MRPL45: variants seen among roughly 807,000 people sequenced by gnomAD.
MRPL45 encodes the protein large ribosomal subunit protein mL45.
In MRPL45, 20 loss-of-function variants were observed where a neutral mutation model predicts 38.1. The observed-to-expected ratio is 0.53, with a 90% CI of 0.37 to 0.76. The LOEUF is 0.76. Among genes scored for constraint, MRPL45 ranks in the 30% least tolerant of loss-of-function variants. The pLI is 0.00. For synonymous variants in MRPL45, 105 were observed against 128.8 expected, an observed-to-expected ratio of 0.82 and a Z score of 1.25; for missense variants, 337 against 395.6, an observed-to-expected ratio of 0.85 and a Z score of 1.26.
rs750271913 is a variant in MRPL45, at chr17:38,299,464, G to A, written c.358G>A (p.Val120Met). 3 of 1,587,938 alleles carry A rather than the reference G, an allele frequency of 1.9e-6. No homozygotes were observed. In the East Asian group the frequency reaches 6.7e-5, roughly 36 times the overall value. Residue 120 changes from valine to methionine, a missense_variant, in exon 3 of 8, where the codon GTG becomes ATG. This residue lies in a region of MRPL45 where 251 missense variants were observed against 269.1 expected (regional missense o/e 0.93). Transcript: ENST00000613675. ...AATGAAGAAGACTATGGCATCACAA[G>A]TGTCGTAGGTGTCTGAGACAATTGG... ...ERMKKTMASQ[V>M]SIRRIKDYDA... is the part of the protein sequence containing the mutation.
chr17:38,304,921 A>G (rs1232946656), intron 3 of MRPL45, among the ~76,000 whole-genome samples: 1 of 149,330 alleles, frequency 6.7e-6, no homozygotes, highest in Non-Finnish European at 1.5e-5. Context: ...ATCTCAGCTC[A>G]CTGCAACCTC....
In MRPL45 at chr17:38,299,449, A is replaced by T; in HGVS notation, c.343A>T (p.Thr115Ser). The change falls in exon 3 of 8, where the codon ACT becomes TCT. Residue 115 changes from threonine to serine, a missense_variant. Physicochemically the swap from Thr to Ser is moderately conservative, Grantham distance 58 (BLOSUM62 1). Around this residue, in one of 3 missense-constraint regions of MRPL45, gnomAD observed 251 missense variants for 269.1 expected, o/e 0.93. Transcript: ENST00000613675. ...AGAGAGAACTGAACGAATGAAGAAG[A>T]CTATGGCATCACAAGTGTCGTAGGT... ...LIERTERMKK[T>S]MASQVSIRRI... The T allele has an allele frequency of 6.2e-7, 1 of 1,603,816 alleles. No homozygotes were observed. Among genetic ancestry groups the T allele is most frequent in the Non-Finnish European group, 8.5e-7 (1 of 1,177,882 alleles).
At chr17:38,297,299 G>A in intron 1 of MRPL45, 50 bp downstream of exon 1, 1 of 1,535,062 alleles carries the variant, frequency 6.5e-7, no homozygotes, top group Non-Finnish European at 9.0e-7. Flanking sequence ...GGAGAGGACA[G>A]AGTCGAGGGA....
At chr17:38,314,878 C>T (rs1463251630) in intron 4 of MRPL45, among the ~76,000 whole-genome samples, 1 of 152,196 alleles carries the variant, frequency 6.6e-6, no homozygotes, top group African/African-American at 2.4e-5. Context: ...GGCGTGGTGG[C>T]TAGTTCAACC....
At chr17:38,316,866 T>G (rs1368212588) in intron 4 of MRPL45, among the ~76,000 whole-genome samples, 2 of 151,824 alleles carry the variant, frequency 1.3e-5, no homozygotes, top group Non-Finnish European at 2.9e-5. Flanking sequence ...GGCGCGATCT[T>G]GGCTCACTGC....
At chr17:38,316,839 C>T (rs1303734859) in intron 4 of MRPL45, among the ~76,000 whole-genome samples, 3 of 151,152 alleles carry the variant, frequency 2.0e-5, no homozygotes, top group South Asian at 2.1e-4. Flanking sequence ...TGCTCTGTTG[C>T]CAGGCTGGAG....
chr17:38,299,205 A>G, intron 2 of MRPL45, 146 bp from the exon 3 acceptor site: 2 of 638,504 alleles, frequency 3.1e-6, no homozygotes, highest in Non-Finnish European at 5.2e-6. Context: ...GTTTTTTTCT[A>G]GTGTAACATA....
intron 4 of MRPL45, 115 bp downstream of exon 4, chr17:38,306,746 G>A: frequency 3.3e-6 from 4 of 1,201,798 alleles, no homozygotes; most frequent in South Asian, 1.4e-5. Flanking sequence ...CTGCCTTCAG[G>A]TAAGAGATCT....
At chr17:38,304,816 A>G (rs1446364803) in intron 3 of MRPL45, among the ~76,000 whole-genome samples, 1 of 149,418 alleles carries the variant, frequency 6.7e-6, no homozygotes, top group East Asian at 2.0e-4. Flanking sequence ...TGCTGGGATT[A>G]CAGACCTGAG....
intron 4 of MRPL45, among the ~76,000 whole-genome samples, chr17:38,317,036 T>A (rs767214979): frequency 7.9e-5 from 12 of 152,270 alleles, no homozygotes; most frequent in Non-Finnish European, 1.6e-4. Flanking sequence ...GACCTCGTGA[T>A]CTGCCCACCT....
chr17:38,320,645 A>C lies in MRPL45; in HGVS notation c.538A>C (p.Thr180Pro). The C allele has an allele frequency of 1.2e-6, 2 of 1,614,000 alleles. No individual in the cohort carries two copies. Among genetic ancestry groups the C allele is most frequent in the Non-Finnish European group, 1.7e-6 (2 of 1,180,018 alleles). Residue 180 changes from threonine (T) to proline (P), a missense_variant, in exon 6 of 8, where the codon ACC (threonine) becomes CCC (proline). Transcript: ENST00000613675. The part of the protein sequence containing the change: ...PDMTWDIKYK[T>P]VRWSFVESLE... ...CATGACTTGGGACATCAAATATAAG[A>C]CCGTCCGCTGGAGCTTTGTGGAATC...
chr17:38,302,258 G>A (rs2037004197), intron 3 of MRPL45, among the ~76,000 whole-genome samples: 1 of 151,962 alleles, frequency 6.6e-6, no homozygotes, highest in Non-Finnish European at 1.5e-5. Flanking sequence ...GCCAAGGCTG[G>A]TGGATCACCT....
chr17:38,321,758 C>T (rs1289668740), intron 6 of MRPL45, among the ~76,000 whole-genome samples: 1 of 151,812 alleles, frequency 6.6e-6, no homozygotes, highest in Non-Finnish European at 1.5e-5. Context: ...AGGCTGGGTG[C>T]AGTGGCTCAC....
chr17:38,310,626 G>A (rs1370619682), intron 4 of MRPL45, among the ~76,000 whole-genome samples: 1 of 151,024 alleles, frequency 6.6e-6, no homozygotes, highest in Non-Finnish European at 1.5e-5. Context: ...ACTGCACCTG[G>A]CCTTGTTTTT....
intron 7 of MRPL45, 84 bp from the exon 8 acceptor site, chr17:38,322,425 T>A (rs1471009743): frequency 2.4e-6 from 2 of 842,058 alleles, no homozygotes; most frequent in Non-Finnish European, 3.3e-6. Context: ...GCCGGGTGGG[T>A]GGGTGGGTGG....
chr17:38,317,043 A>G (rs531332572), intron 4 of MRPL45, among the ~76,000 whole-genome samples: 6 of 152,220 alleles, frequency 3.9e-5, no homozygotes, highest in Non-Finnish European at 5.9e-5. Flanking sequence ...TGATCTGCCC[A>G]CCTTGGCCTC....
intron 2 of MRPL45, 36 bp downstream of exon 2, chr17:38,298,662 C>A (rs762673187): frequency 7.0e-7 from 1 of 1,425,414 alleles, no homozygotes; most frequent in Non-Finnish European, 9.8e-7. Context: ...TGGGATCCTT[C>A]TGTCAGAGAT....
At chr17:38,313,138 C>T (rs923526835) in intron 4 of MRPL45, among the ~76,000 whole-genome samples, 3 of 149,236 alleles carry the variant, frequency 2.0e-5, no homozygotes, top group African/African-American at 7.4e-5. Flanking sequence ...GCGCCTGCCA[C>T]CACACCCGGC....
rs551683418 is a variant in MRPL45, at chr17:38,314,900, A to C, written c.462-3787A>C. Among the ~76,000 whole-genome samples, 3 of 152,340 alleles carry C rather than the reference A, an allele frequency of 2.0e-5. No homozygotes were observed. The South Asian group carries it at 6.2e-4, about 32-fold the overall frequency. On this transcript the variant is annotated intron_variant, in intron 4 of 7. Coordinates refer to ENST00000613675, the MANE Select transcript of MRPL45 (RefSeq NM_032351.6). ...TGGCTAGTTCAACCTAGTTTGAATAATATCAACTTAGTTTCAATAATATAC... is the reference window on the plus strand; with the variant it reads ...TGGCTAGTTCAACCTAGTTTGAATACTATCAACTTAGTTTCAATAATATAC...
Sources: allele counts gnomAD v4.1 joint callset (sites outside exome capture counted in the v4.1 genomes callset), GRCh38; gene constraint gnomAD v4.1.1; regional missense constraint gnomAD v4.1.1; transcripts MANE v1.5; gene names NCBI Gene and HGNC (gene_info 2026-07-23, HGNC 2026-07-21).